TTC31: variants seen among roughly 807,000 people sequenced by gnomAD.
TTC31 encodes the protein tetratricopeptide repeat protein 31.
TTC31 carries 59 observed loss-of-function variants against 60.4 expected under a neutral mutation model. The ratio of observed to expected loss-of-function variants is 0.98; its 90% CI spans 0.79 to 1.21. TTC31 has a LOEUF of 1.21. Among genes scored for constraint, TTC31 ranks in the 50% most tolerant of loss-of-function variants. TTC31 has a pLI of 0.00. For synonymous variants in TTC31, 225 were observed against 249.6 expected (o/e 0.90, Z 0.93); for missense variants, 672 against 646.9 (o/e 1.04, Z -0.42).
chr2:74,488,468 A>G (rs142401374), intron 2 of TTC31, among the ~76,000 whole-genome samples: 344 of 152,306 alleles, frequency 2.3e-3, no homozygotes, highest in Non-Finnish European at 3.6e-3. Context: ...GAATGTGATC[A>G]TTCCTGTCTT....
chr2:74,491,760 C>T (rs767302312), intron 8 of TTC31, 88 bp downstream of exon 8: 1 of 1,511,102 alleles, frequency 6.6e-7, no homozygotes, highest in Non-Finnish European at 9.0e-7. Context: ...AGGATTGACA[C>T]AGGGTCCAGT....
At chr2:74,488,991 G>A (rs1257454840) in intron 2 of TTC31, among the ~76,000 whole-genome samples, 1 of 152,176 alleles carries the variant, frequency 6.6e-6, no homozygotes, top group Non-Finnish European at 1.5e-5. Flanking sequence ...GGGAGGCAGA[G>A]GTTGCAGTGA....
In TTC31 at chr2:74,490,686, G is replaced by T. The variant is rs751146019; in HGVS notation, c.493G>T (p.Ala165Ser). The T allele has an allele frequency of 1.2e-6, 2 of 1,613,802 alleles. No homozygotes were observed. Among genetic ancestry groups the T allele is most frequent in the East Asian group, 2.2e-5 (1 of 44,880 alleles). Residue 165 changes from alanine to serine, a missense_variant, in exon 5 of 13, where the codon GCT becomes TCT. Coordinates refer to ENST00000233623, the MANE Select transcript of TTC31 (RefSeq NM_022492.6). ...CAATCGCCTGGCTGAGGAGCTGGTG[G>T]CTGAGGAGGAGCGCATGAAACAGAA... The part of the protein sequence containing the change: ...EANRLAEELV[A>S]EEERMKQKAE...
At chr2:74,483,575 G>GAT in intron 2 of TTC31, 165 bp downstream of exon 2, 2 of 1,493,120 alleles carry the variant, frequency 1.3e-6, no homozygotes, top group Non-Finnish European at 1.8e-6. Flanking sequence ...CAAGTGAGGG[G>GAT]CAGGGGATCA....
In TTC31 at chr2:74,492,339, T is replaced by G. The variant is rs775354794; in HGVS notation, c.1055T>G (p.Leu352Trp). 1 of 1,574,984 alleles carries G rather than the reference T, an allele frequency of 6.3e-7. No homozygotes were observed. The highest frequency in any genetic ancestry group is 8.6e-7 in the Non-Finnish European group (1 of 1,156,900). ...FGNRSFCHER[L>W]GQPAWALADA... ...AATCGTTCCTTCTGCCATGAGCGGT[T>G]GGGTCAGCCAGCGTGGGCCCTGGCT... The change falls in exon 11 of 13, where the codon TTG becomes TGG. Residue 352 changes from leucine (L) to tryptophan (W), a missense_variant. Coordinates refer to ENST00000233623, the MANE Select transcript of TTC31 (RefSeq NM_022492.6).
In TTC31 at chr2:74,491,353, A is replaced by G; in HGVS notation, c.662A>G (p.Gln221Arg). The change falls in exon 7 of 13, where the codon CAG (glutamine) becomes CGG (arginine). Residue 221 changes from glutamine to arginine, a missense_variant. Physicochemically the swap from Gln to Arg is conservative, Grantham distance 43. Transcript: ENST00000233623. ...CCATCCAGCCCTGGAAACCCAGTTC[A>G]GGGACAGTGTGGTGAAGAAGAGGTG... Reference protein sequence around the residue: ...SPPSSPGNPVQGQCGEEEDSL... With the variant: ...SPPSSPGNPVRGQCGEEEDSL... 6.2e-7 allele frequency: 1 copy of G among 1,614,216 alleles called. No homozygotes were observed. Among genetic ancestry groups the G allele is most frequent in the South Asian group, 1.1e-5 (1 of 91,084 alleles).
intron 2 of TTC31, among the ~76,000 whole-genome samples, chr2:74,488,382 C>T (rs1439382687): frequency 6.6e-6 from 1 of 152,098 alleles, no homozygotes; most frequent in Non-Finnish European, 1.5e-5. Flanking sequence ...GCTTCTAACT[C>T]AATAAGTCCA....
At chr2:74,485,299 C>G (rs1469894785) in intron 2 of TTC31, among the ~76,000 whole-genome samples, 2 of 151,908 alleles carry the variant, frequency 1.3e-5, no homozygotes, top group Non-Finnish European at 2.9e-5. Flanking sequence ...GCTGGGGTTA[C>G]AGGCATGAGC....
intron 2 of TTC31, chr2:74,483,804 C>G (rs946399814): frequency 4.0e-6 from 1 of 252,390 alleles, no homozygotes; most frequent in South Asian, 5.6e-5. Context: ...TAGTGAGACC[C>G]CATCTCTACA....
intron 2 of TTC31, chr2:74,483,791 A>G: frequency 3.3e-6 from 1 of 306,400 alleles, no homozygotes; most frequent in Non-Finnish European, 6.1e-6. Context: ...AGCCTGGGCA[A>G]CATAGTGAGA....
At position 74,492,762 on chromosome 2, in the gene TTC31, C is replaced by T. The variant is rs1440187068; in HGVS notation, c.1263+15C>T. 1.9e-6 allele frequency: 3 copies of T among 1,613,482 alleles called. No homozygotes were observed. Among genetic ancestry groups the T allele is most frequent in the Non-Finnish European group, 2.5e-6 (3 of 1,179,586 alleles). On this transcript the variant is annotated intron_variant, in intron 12 of 12. Coordinates refer to ENST00000233623, the MANE Select transcript of TTC31 (RefSeq NM_022492.6). ...ACCTCACACTGGTAAGGGGGCCAGG[C>T]ACACTGTCATGCTGAGGCGGGTATC...
In TTC31 at chr2:74,493,352, C is replaced by T. The variant is rs1332563368; in HGVS notation, c.*134C>T. On this transcript the variant is annotated 3_prime_UTR_variant, in exon 13 of 13. Coordinates refer to ENST00000233623, the MANE Select transcript of TTC31 (RefSeq NM_022492.6). ...AGTTAATGATGCCCTGGCAGTCATT[C>T]CTCTTGCCATGGGGAAGCTTCTGAT... 3 of 954,158 alleles carry T rather than the reference C, an allele frequency of 3.1e-6. No individual in the cohort carries two copies. Among genetic ancestry groups the T allele is most frequent in the African/African-American group, 3.3e-5 (2 of 60,426 alleles). The allele number at this position is 954,158 out of a possible 1,614,324, so 59.1% of individuals were successfully genotyped here. A position where few individuals can be genotyped will look rare whatever the true frequency, so the allele number is the denominator to read the frequency against.
In TTC31 at chr2:74,483,103, C is replaced by A; in HGVS notation, c.8C>A (p.Pro3Gln). 1 of 1,614,198 alleles carries A rather than the reference C, an allele frequency of 6.2e-7. No homozygotes were observed. The highest frequency in any genetic ancestry group is 1.1e-5 in the South Asian group (1 of 91,084). MA[P>Q]IPKTVGRIKL... ...CGGGTCACTGTAGATGCGATGGCGCCGATTCCAAAGACTGTGGGGCGGATC... is the reference window on the plus strand; with the variant it reads ...CGGGTCACTGTAGATGCGATGGCGCAGATTCCAAAGACTGTGGGGCGGATC... Residue 3 changes from proline to glutamine, a missense_variant, in exon 1 of 13, where the codon CCG becomes CAG. By Grantham distance (76) the Pro-to-Gln change is moderately conservative (BLOSUM62 -1). Transcript: ENST00000233623.
Position 74,490,112 on chromosome 2 carries a change from C to T in TTC31, c.217C>T (p.Gln73Ter). The T allele has an allele frequency of 1.3e-6, 2 of 1,596,402 alleles. No individual in the cohort carries two copies. The highest frequency in any genetic ancestry group is 1.7e-6 in the Non-Finnish European group (2 of 1,171,374). ...TGTGGATGGGAGCAGCGGGCGGCTGCAGCTGTGGCACCATGGTGGGGAGTG... is the reference window on the plus strand; with the variant it reads ...TGTGGATGGGAGCAGCGGGCGGCTGTAGCTGTGGCACCATGGTGGGGAGTG... ...IHVDGSSGRL[Q>*]LWHHDYLLGH... The change falls in exon 3 of 13, where the codon CAG (glutamine) becomes TAG (stop). Residue 73 changes from glutamine to a stop codon, truncating the protein, a stop_gained. Coordinates refer to ENST00000233623, the MANE Select transcript of TTC31 (RefSeq NM_022492.6). LOFTEE classifies it high-confidence loss of function.
intron 2 of TTC31, among the ~76,000 whole-genome samples, chr2:74,485,530 G>C (rs1427361851): frequency 6.7e-6 from 1 of 149,162 alleles, no homozygotes; most frequent in Non-Finnish European, 1.5e-5. Flanking sequence ...GAGTGCAATG[G>C]TGTGATCTTG....
In TTC31 at chr2:74,493,201, C is replaced by G. The variant is rs562472381; in HGVS notation, c.1543C>G (p.Leu515Val). Reference protein sequence around the residue: ...WDILGLGLQHLSQAR With the variant: ...WDILGLGLQHVSQAR ...CATCCTGGGACTTGGGCTCCAGCAT[C>G]TGTCTCAGGCCAGATGAGGGGGCAC... Residue 515 changes from leucine (L) to valine (V), a missense_variant, in exon 13 of 13, where the codon CTG (leucine) becomes GTG (valine). Transcript: ENST00000233623. 6.2e-7 allele frequency: 1 copy of G among 1,614,178 alleles called. No individual in the cohort carries two copies. The highest frequency in any genetic ancestry group is 1.1e-5 in the South Asian group (1 of 91,088).
At chr2:74,489,496 A>G (rs1673550675) in intron 2 of TTC31, among the ~76,000 whole-genome samples, 2 of 152,216 alleles carry the variant, frequency 1.3e-5, no homozygotes, top group Admixed American at 6.5e-5. Context: ...AACTCTGCCT[A>G]TGGCCTTGGC....
Position 74,490,799 on chromosome 2 carries a change from G to A in TTC31, c.546+60G>A, listed in dbSNP as rs1381306257. The A allele has an allele frequency of 3.9e-6, 6 of 1,533,376 alleles. No homozygotes were observed. The African/African-American group carries it at 8.3e-5, about 21-fold the overall frequency. The allele number at this position is 1,533,376 out of a possible 1,614,324, so 95.0% of individuals were successfully genotyped here. A position where few individuals can be genotyped will look rare whatever the true frequency, so the allele number is the denominator to read the frequency against. On this transcript the variant is annotated intron_variant, in intron 5 of 12. Transcript: ENST00000233623. ...CAAAGGGATTTGGGAGAGGGAAAGA[G>A]GAAACTTTGTGGGAACAGGAGAGAG... is the stretch of plus-strand genomic sequence containing the variant.
At chr2:74,485,627 C>T (rs993263033) in intron 2 of TTC31, among the ~76,000 whole-genome samples, 4 of 151,772 alleles carry the variant, frequency 2.6e-5, no homozygotes, top group East Asian at 2.0e-4. Flanking sequence ...CCTGCCACCA[C>T]GCCTGGCTAA....
Sources: allele counts gnomAD v4.1 joint callset (sites outside exome capture counted in the v4.1 genomes callset), GRCh38; gene constraint gnomAD v4.1.1; transcripts MANE v1.5; gene names NCBI Gene and HGNC (gene_info 2026-07-23, HGNC 2026-07-21).